Variants in CPXM2 observed in about 807,000 individuals in gnomAD.
CPXM2 encodes the protein inactive carboxypeptidase-like protein X2.
In CPXM2, 66 loss-of-function variants were observed where a neutral mutation model predicts 86.1. The ratio of observed to expected loss-of-function variants is 0.77; its 90% CI spans 0.63 to 0.94. The LOEUF (loss-of-function observed/expected upper bound fraction) is 0.94, where lower values mean the gene tolerates loss of function less well. CPXM2 is among the 40% of genes least tolerant of loss of function. CPXM2 has a pLI of 0.00. For synonymous variants in CPXM2, 388 were observed against 400.2 expected (o/e 0.97, Z 0.36); for missense variants, 948 against 1,026.3 (o/e 0.92, Z 1.04).
Position 123,880,641 on chromosome 10 carries a change from A to T in CPXM2, c.305-332T>A, listed in dbSNP as rs779060575. Among the ~76,000 whole-genome samples the T allele has an allele frequency of 2.2e-4, 34 of 151,970 alleles. 1 individual carries two copies. Among genetic ancestry groups the T allele is most frequent in the Non-Finnish European group, 3.7e-4 (25 of 67,996 alleles). On this transcript the variant is annotated intron_variant, in intron 1 of 13. Transcript: ENST00000241305. ...TCAGGAGATCAAGACCATCCTGGCT[A>T]ACACGGTGAAACCCTGTCTCTACTA...
At chr10:123,794,768 T>TGTGC (rs1178311325) in intron 6 of CPXM2, among the ~76,000 whole-genome samples, 22 of 147,686 alleles carry the variant, frequency 1.5e-4, no homozygotes, top group African/African-American at 2.6e-4. Context: ...TGTGTGTGTG[T>TGTGC]GCGCATGTGT....
chr10:123,914,155 G>C, intron 2 of CPXM2: 1 of 450,478 alleles, frequency 2.2e-6, no homozygotes, highest in Non-Finnish European at 4.5e-6. Context: ...CAAGTTGAAG[G>C]TCAAAACAGC....
chr10:123,783,360 G>C (rs1846977720), intron 6 of CPXM2, among the ~76,000 whole-genome samples: 1 of 152,204 alleles, frequency 6.6e-6, no homozygotes, highest in African/African-American at 2.4e-5. Context: ...CCCCTTTCCG[G>C]TAACACTCAT....
chr10:123,754,578 T>G lies in CPXM2; in HGVS notation c.2017+85A>C. The G allele has an allele frequency of 1.3e-6, 1 of 760,406 alleles. No individual in the cohort carries two copies. Among genetic ancestry groups the G allele is most frequent in the Non-Finnish European group, 2.4e-6 (1 of 424,452 alleles). 47.1% of individuals were successfully genotyped at this position (760,406 alleles called of 1,614,324 possible). ...GCTCTGAGTAAGACATTTCTGGCAGTCATTTCATGATTGTAACCCAAGTAA... is the reference window on the plus strand; with the variant it reads ...GCTCTGAGTAAGACATTTCTGGCAGGCATTTCATGATTGTAACCCAAGTAA... On this transcript the variant is annotated intron_variant, in intron 13 of 13. Transcript: ENST00000241305. The surrounding 1 kb of genome is among the most constrained non-coding windows in gnomAD (Gnocchi z 4.0).
intron 6 of CPXM2, among the ~76,000 whole-genome samples, chr10:123,788,005 A>T (rs889708447): frequency 1.3e-5 from 2 of 151,938 alleles, no homozygotes; most frequent in African/African-American, 2.4e-5. Context: ...ACAGGCTGAG[A>T]GCGGTGGCTC....
chr10:123,862,878 A>C (rs146283791), intron 2 of CPXM2, among the ~76,000 whole-genome samples, 155 bp from the exon 3 acceptor site: 19 of 152,358 alleles, frequency 1.2e-4, no homozygotes, highest in African/African-American at 4.6e-4. Flanking sequence ...TGAACTGTCA[A>C]CATTAAGCCA....
At chr10:123,761,260 G>A (rs1016369035) in intron 11 of CPXM2, among the ~76,000 whole-genome samples, 9 of 152,194 alleles carry the variant, frequency 5.9e-5, no homozygotes, top group Non-Finnish European at 1.2e-4. Context: ...GTGACGGGCC[G>A]TCCCGCTGGC....
intron 2 of CPXM2, among the ~76,000 whole-genome samples, chr10:123,870,342 G>A (rs1339818395): frequency 2.6e-5 from 4 of 152,276 alleles, no homozygotes; most frequent in Middle Eastern, 3.4e-3. Context: ...GGCATCCCCC[G>A]CTGGCAGAGC....
chr10:123,921,120 T>C (rs1945575782), intron 2 of CPXM2, among the ~76,000 whole-genome samples: 1 of 152,190 alleles, frequency 6.6e-6, no homozygotes, highest in African/African-American at 2.4e-5. Flanking sequence ...AAGGGTGGAA[T>C]AAATCTCTCA....
chr10:123,841,802 G>A (rs1414552902), intron 4 of CPXM2, among the ~76,000 whole-genome samples: 4 of 152,192 alleles, frequency 2.6e-5, no homozygotes, highest in African/African-American at 9.7e-5. Flanking sequence ...ACTTGTCACT[G>A]TCCCAGCCTT....
At chr10:123,801,870 T>A (rs1369561086) in intron 4 of CPXM2, among the ~76,000 whole-genome samples, 14 of 152,220 alleles carry the variant, frequency 9.2e-5, no homozygotes, top group Admixed American at 9.2e-4. Flanking sequence ...TGCCTTTAAA[T>A]TATTCAGACC....
intron 13 of CPXM2, chr10:123,751,333 A>G (rs7899155): frequency 0.16 from 32,285 of 199,548 alleles, 2,886 homozygotes; most frequent in Middle Eastern, 0.28. Flanking sequence ...TCAAAGGTTG[A>G]TATCTGGAGA....
chr10:123,910,167 G>T (rs898481498), intron 2 of CPXM2, among the ~76,000 whole-genome samples: 1 of 152,038 alleles, frequency 6.6e-6, no homozygotes, highest in Non-Finnish European at 1.5e-5. Flanking sequence ...CTGCACATTC[G>T]CGCCCCTGCA....
At chr10:123,874,563 T>C (rs1224961868) in intron 2 of CPXM2, among the ~76,000 whole-genome samples, 1 of 152,230 alleles carries the variant, frequency 6.6e-6, no homozygotes, top group Non-Finnish European at 1.5e-5. Flanking sequence ...CTACCACAAG[T>C]GGTTTAAGTG....
intron 4 of CPXM2, among the ~76,000 whole-genome samples, chr10:123,809,218 T>C (rs1276197152): frequency 6.6e-6 from 1 of 152,106 alleles, no homozygotes; most frequent in Admixed American, 6.6e-5. Flanking sequence ...GTGCAAGAAG[T>C]AGGGATGCTG....
chr10:123,817,264 C>T (rs1050679074), intron 4 of CPXM2, among the ~76,000 whole-genome samples: 3 of 152,150 alleles, frequency 2.0e-5, no homozygotes, highest in Admixed American at 6.5e-5. Context: ...GCTGCTGTGC[C>T]ACTTGGGCCA....
chr10:123,874,307 C>G (rs1395807272), intron 2 of CPXM2, among the ~76,000 whole-genome samples: 3 of 152,044 alleles, frequency 2.0e-5, no homozygotes, highest in African/African-American at 7.2e-5. Flanking sequence ...TCTTGGGGGT[C>G]TCTTTTATAA....
upstream of CPXM2, among the ~76,000 whole-genome samples, chr10:123,942,075 T>C (rs1945782722): frequency 6.6e-6 from 1 of 152,244 alleles, no homozygotes; most frequent in South Asian, 2.1e-4. Flanking sequence ...TGGACAATTT[T>C]GTAAGTTGCA....
chr10:123,826,399 G>T (rs781302454), intron 4 of CPXM2, among the ~76,000 whole-genome samples: 7 of 152,172 alleles, frequency 4.6e-5, no homozygotes, highest in Admixed American at 6.5e-5. Context: ...AAAGGGAAGG[G>T]AAGTTGAAAG....
Sources: gnomAD v4.1 joint callset for allele counts (sites outside exome capture counted in the v4.1 genomes callset) on GRCh38, gnomAD v4.1.1 for gene constraint, Gnocchi (gnomAD v3.1) non-coding constraint, MANE v1.5 for transcripts, NCBI Gene and HGNC (gene_info 2026-07-23, HGNC 2026-07-21) for gene names.